BBS2: variants seen among roughly 807,000 people sequenced by gnomAD.
BBS2 encodes Bardet-Biedl syndrome 2.
In BBS2, 62 loss-of-function variants were observed where a neutral mutation model predicts 83.0. The observed-to-expected ratio is 0.75, with a 90% CI of 0.61 to 0.92. BBS2 has a LOEUF of 0.92. BBS2 is among the 40% of genes least tolerant of loss of function. The probability of loss-of-function intolerance (pLI) is 0.00; values close to 1 mark genes in which losing one functional copy is unlikely to be tolerated. For missense variants in BBS2, 784 were observed against 901.0 expected, an observed-to-expected ratio of 0.87 and a Z score of 1.66; for synonymous variants, 303 against 326.1, an observed-to-expected ratio of 0.93 and a Z score of 0.76.
intron 5 of BBS2, among the ~76,000 whole-genome samples, chr16:56,508,992 A>C (rs1460050587): frequency 6.6e-6 from 1 of 152,214 alleles, no homozygotes; most frequent in Non-Finnish European, 1.5e-5. Context: ...GAAATATCTC[A>C]GGTTCAGTTA....
At chr16:56,518,057 T>G (rs1316429539) in intron 1 of BBS2, among the ~76,000 whole-genome samples, 1 of 152,176 alleles carries the variant, frequency 6.6e-6, no homozygotes. Context: ...CCTCAGATGA[T>G]CTGCCTGCCT....
chr16:56,503,989 G>A (rs1184373976), intron 7 of BBS2, among the ~76,000 whole-genome samples: 1 of 151,612 alleles, frequency 6.6e-6, no homozygotes, highest in Non-Finnish European at 1.5e-5. Flanking sequence ...GCTAGCTACA[G>A]AAAATCTAGC....
chr16:56,501,760 G>A (rs1964282290), intron 9 of BBS2: 1 of 494,334 alleles, frequency 2.0e-6, no homozygotes, highest in African/African-American at 1.9e-5. Context: ...TTGAAGTATT[G>A]TTCTTTTAAA....
At position 56,484,672 on chromosome 16, in the gene BBS2, G is replaced by C. The variant is rs1333790305; in HGVS notation, c.*89C>G. 2 of 1,054,302 alleles carry C rather than the reference G, an allele frequency of 1.9e-6. No homozygotes were observed. Among genetic ancestry groups the C allele is most frequent in the Non-Finnish European group, 2.9e-6 (2 of 684,840 alleles). The allele number at this position is 1,054,302 out of a possible 1,614,324, so 65.3% of individuals were successfully genotyped here. A position where few individuals can be genotyped will look rare whatever the true frequency, so the allele number is the denominator to read the frequency against. On this transcript the variant is annotated 3_prime_UTR_variant, in exon 17 of 17. Transcript: ENST00000245157. ...GGTTATTTTCATTCTTAGCACCCGG[G>C]GTTCACCAGGGTGTGATCCAAAGCA...
intron 15 of BBS2, among the ~76,000 whole-genome samples, chr16:56,489,844 C>A (rs1378456619): frequency 6.6e-6 from 1 of 151,980 alleles, no homozygotes; most frequent in Non-Finnish European, 1.5e-5. Flanking sequence ...TGCAATGTGG[C>A]CAGGCACAGT....
chr16:56,483,985 G>C (rs1963704525), downstream of BBS2, among the ~76,000 whole-genome samples: 2 of 146,268 alleles, frequency 1.4e-5, no homozygotes, highest in Non-Finnish European at 3.0e-5. Flanking sequence ...ATAGGTGTGA[G>C]CCACTGAGCT....
chr16:56,516,006 A>G (rs146207305), intron 1 of BBS2: 1 of 152,318 alleles, frequency 6.6e-6, no homozygotes, highest in East Asian at 1.9e-4. Context: ...CAGAAATCCA[A>G]TATGCTGAGA....
chr16:56,506,452 G>C (rs1165066614), intron 5 of BBS2, among the ~76,000 whole-genome samples: 1 of 152,134 alleles, frequency 6.6e-6, no homozygotes, highest in African/African-American at 2.4e-5. Flanking sequence ...TGGTGTTTTA[G>C]AGCAACCTTA....
At chr16:56,507,487 C>A (rs1179730932) in intron 5 of BBS2, among the ~76,000 whole-genome samples, 1 of 152,034 alleles carries the variant, frequency 6.6e-6, no homozygotes, top group African/African-American at 2.4e-5. Context: ...TGATTCCCAC[C>A]AAAGGAGAAA....
rs1315793435 is a variant in BBS2 at position 56,498,497 on chromosome 16, C to T, written c.1599G>A (p.Val533=). 6.2e-7 allele frequency: 1 copy of T among 1,613,952 alleles called. No homozygotes were observed. Among genetic ancestry groups the T allele is most frequent in the African/African-American group, 1.3e-5 (1 of 74,896 alleles). The change falls in exon 13 of 17, where the codon GTG becomes GTA. Residue 533 remains valine, a synonymous_variant. Transcript: ENST00000245157. ...CGCCATTCCGTAAAGATGTGAAACA[C>T]ACTTGAAATGGAGCATTCTGAATGT... is the stretch of plus-strand genomic sequence containing the variant. ...DTHIQNAPFQ[V]CFTSLRNGGH... is the part of the protein sequence containing the mutation.
rs190130585 is a variant in BBS2 at position 56,471,261 on chromosome 16, C to G, written c.*1-566G>C. Among the ~76,000 whole-genome samples the G allele has an allele frequency of 3.5e-3, 530 of 151,110 alleles. 5 individuals carry two copies. The highest frequency in any genetic ancestry group is 0.013 in the African/African-American group (516 of 41,034). ...CCTGTAATCCAAGCTACTCAGGAGG[C>G]TGAGGTGGAAGAATCACTTGAACCG... On this transcript the variant is annotated intron_variant, in intron 17 of 17. Coordinates refer to the BBS2 transcript ENST00000682047.
intron 5 of BBS2, among the ~76,000 whole-genome samples, chr16:56,507,025 T>A (rs1042568727): frequency 6.6e-6 from 1 of 152,242 alleles, no homozygotes; most frequent in Non-Finnish European, 1.5e-5. Context: ...CCTTTACACC[T>A]ACAGCTTTTC....
chr16:56,481,463 T>G (rs1963660715), downstream of BBS2, among the ~76,000 whole-genome samples: 1 of 152,126 alleles, frequency 6.6e-6, no homozygotes, highest in Non-Finnish European at 1.5e-5. Flanking sequence ...AGGTACTGGA[T>G]AGGCAGTCAT....
At chr16:56,513,780 C>T (rs1964647108) in intron 2 of BBS2, among the ~76,000 whole-genome samples, 1 of 152,138 alleles carries the variant, frequency 6.6e-6, no homozygotes, top group South Asian at 2.1e-4. Flanking sequence ...GATGGTTGTA[C>T]AGCTCTCTGG....
In BBS2 at chr16:56,506,070, C is replaced by T. The variant is rs79900021; in HGVS notation, c.718-34G>A. The T allele has an allele frequency of 0.047, 75,212 of 1,609,490 alleles. 2,567 individuals are homozygous for T. The highest frequency in any genetic ancestry group is 0.13 in the South Asian group (11,485 of 90,956). On this transcript the variant is annotated intron_variant, in intron 6 of 16. Coordinates refer to ENST00000245157, the MANE Select transcript of BBS2 (RefSeq NM_031885.5). ...GAATTTTAATAATTAGCACAGAAGT[C>T]TCACAATAACTATCAAGCGCCTGAA... is the stretch of plus-strand genomic sequence containing the variant.
At chr16:56,470,889 C>T (rs958623786) in intron 17 of BBS2, 16 of 1,252,030 alleles carry the variant, frequency 1.3e-5, no homozygotes, top group Non-Finnish European at 1.7e-5. Flanking sequence ...CTACTGTGCC[C>T]TAAGCCCTAT....
At chr16:56,484,227 C>G (rs1483665791), downstream of BBS2, 3 of 154,626 alleles carry the variant, frequency 1.9e-5, no homozygotes, top group African/African-American at 7.4e-5. Flanking sequence ...AGGATGGTCT[C>G]GATCTCCTGA....
At chr16:56,509,882 C>T in intron 5 of BBS2, 75 bp downstream of exon 5, 1 of 1,510,802 alleles carries the variant, frequency 6.6e-7, no homozygotes, top group South Asian at 1.1e-5. Context: ...CCCCAGCACT[C>T]TCACTTGATG....
chr16:56,505,728 T>G (rs546459617), intron 7 of BBS2, among the ~76,000 whole-genome samples: 1 of 152,278 alleles, frequency 6.6e-6, no homozygotes, highest in East Asian at 1.9e-4. Context: ...TCCCCGAAGA[T>G]TTCCCCCAAA....
Sources: gnomAD v4.1 joint callset for allele counts (sites outside exome capture counted in the v4.1 genomes callset) on GRCh38, gnomAD v4.1.1 for gene constraint, MANE v1.5 for transcripts, NCBI Gene and HGNC (gene_info 2026-07-23, HGNC 2026-07-21) for gene names.